Variants in TMEM165 observed in about 807,000 individuals in gnomAD.
The protein encoded by TMEM165 is transmembrane protein 165.
In TMEM165, 19 loss-of-function variants were observed where a neutral mutation model predicts 30.0. The ratio of observed to expected loss-of-function variants is 0.63; its 90% CI spans 0.44 to 0.93. The LOEUF is 0.93. TMEM165 is among the 40% of genes least tolerant of loss of function. The probability of loss-of-function intolerance (pLI) is 0.00; values close to 1 mark genes in which losing one functional copy is unlikely to be tolerated. For synonymous variants in TMEM165, 168 were observed against 162.9 expected (o/e 1.03, Z -0.24); for missense variants, 340 against 417.0 (o/e 0.82, Z 1.61).
chr4:55,431,027 G>A (rs1302254932), downstream of TMEM165: 1 of 152,170 alleles, frequency 6.6e-6, no homozygotes, highest in African/African-American at 2.4e-5. Flanking sequence ...TTTCACCTAA[G>A]TAAGTGATGA....
intron 3 of TMEM165, chr4:55,444,832 T>A (rs1057169379): frequency 6.4e-7 from 1 of 1,571,428 alleles, no homozygotes; most frequent in Middle Eastern, 1.7e-4. Flanking sequence ...TAGAATTACT[T>A]ACTCCTTATA....
chr4:55,447,310 G>A (rs1387436173), intron 3 of TMEM165, among the ~76,000 whole-genome samples: 1 of 152,134 alleles, frequency 6.6e-6, no homozygotes, highest in Non-Finnish European at 1.5e-5. Context: ...GTTGCAGTAA[G>A]CCGAGATTGC....
At chr4:55,453,028 AT>A (rs750707897) in exon 4 of TMEM165, 55 of 1,503,270 alleles carry the variant, frequency 3.7e-5, no homozygotes, top group Middle Eastern at 3.5e-4. Flanking sequence ...ATTAAAAATA[AT>A]TTTTTTTAAT....
intron 4 of TMEM165, among the ~76,000 whole-genome samples, chr4:55,421,060 T>TA (rs1721953953): frequency 6.7e-6 from 1 of 149,456 alleles, no homozygotes; most frequent in African/African-American, 2.5e-5. Flanking sequence ...CCCACGCCTG[T>TA]AGTCCCAGCT....
At chr4:55,418,137 G>A in intron 4 of TMEM165, 152 bp downstream of exon 4, 1 of 668,266 alleles carries the variant, frequency 1.5e-6, no homozygotes, top group Non-Finnish European at 2.2e-6. Flanking sequence ...TCTAAAATTG[G>A]CCTTCTCCCA....
At chr4:55,424,702 T>C (rs1488372324) in intron 5 of TMEM165, 59 bp downstream of exon 5, 2 of 1,126,118 alleles carry the variant, frequency 1.8e-6, no homozygotes, top group Non-Finnish European at 2.7e-6. Flanking sequence ...GATTAAAGGG[T>C]GTTAGCTTTG....
chr4:55,431,533 T>G (rs963499408), intron 3 of TMEM165: 1 of 152,122 alleles, frequency 6.6e-6, no homozygotes, highest in Admixed American at 6.5e-5. Context: ...ATTCAAAAAT[T>G]CCAATCAGCT....
At chr4:55,419,460 A>G (rs1310540809) in intron 4 of TMEM165, among the ~76,000 whole-genome samples, 1 of 152,214 alleles carries the variant, frequency 6.6e-6, no homozygotes, top group African/African-American at 2.4e-5. Flanking sequence ...TGAGGGAGTA[A>G]GCTGGCTGGC....
At chr4:55,406,231 A>T (rs892012759) in intron 1 of TMEM165, among the ~76,000 whole-genome samples, 1 of 152,204 alleles carries the variant, frequency 6.6e-6, no homozygotes, top group Admixed American at 6.5e-5. Context: ...CAAGAAATTG[A>T]TCCTCCATAG....
intron 1 of TMEM165, chr4:55,403,196 T>C (rs1721105836): frequency 8.5e-7 from 1 of 1,176,024 alleles, no homozygotes; most frequent in Non-Finnish European, 1.1e-6. Flanking sequence ...ACCTCTTGTT[T>C]GATAACTTAT....
intron 3 of TMEM165, chr4:55,444,534 G>A (rs764025222): frequency 5.8e-5 from 80 of 1,378,772 alleles, no homozygotes; most frequent in Non-Finnish European, 6.0e-5. Context: ...TTGATAAAAC[G>A]TATCTCTTGC....
At chr4:55,452,469 A>T (rs1724553030) in exon 4 of TMEM165, 1 of 152,666 alleles carries the variant, frequency 6.6e-6, no homozygotes, top group South Asian at 2.1e-4. Flanking sequence ...GCCTCATGAA[A>T]GAATCTGAAG....
At chr4:55,407,482 G>A (rs968754156) in intron 1 of TMEM165, among the ~76,000 whole-genome samples, 13 of 152,196 alleles carry the variant, frequency 8.5e-5, no homozygotes, top group Admixed American at 4.6e-4. Flanking sequence ...TTAAATAGTA[G>A]CATTTTGGAT....
Position 55,424,562 on chromosome 4 carries a change from G to A in TMEM165, c.817G>A (p.Gly273Arg), listed in dbSNP as rs1378836124. 1.2e-6 allele frequency: 2 copies of A among 1,613,494 alleles called. No individual in the cohort carries two copies. Among genetic ancestry groups the A allele is most frequent in the Non-Finnish European group, 1.7e-6 (2 of 1,179,410 alleles). Residue 273 changes from glycine (G) to arginine (R), a missense_variant, in exon 5 of 6, where the codon GGA becomes AGA. This residue lies in a region of TMEM165 where 220 missense variants were observed against 307.6 expected (regional missense o/e 0.72). Transcript: ENST00000381334. ...REDPYGVAVG[G>R]TVGHCLCTGL... is the part of the protein sequence containing the mutation. ...GGACCCCTATGGTGTAGCCGTGGGT[G>A]GAACTGTGGGGCACTGCCTGTGCAC...
Position 55,425,406 on chromosome 4 carries a change from C to T in TMEM165, c.929C>T (p.Ala310Val), listed in dbSNP as rs75361734. 1.5e-5 allele frequency: 25 copies of T among 1,613,240 alleles called. No individual in the cohort carries two copies. Among genetic ancestry groups the T allele is most frequent in the African/African-American group, 1.5e-4 (11 of 74,806 alleles). ...VTIIGGIVFL[A>V]FAFSALFISP... ...ATCATAGGAGGCATCGTTTTTTTGGCGTTTGCATTTTCTGCACTATTTATA... is the reference window on the plus strand; with the variant it reads ...ATCATAGGAGGCATCGTTTTTTTGGTGTTTGCATTTTCTGCACTATTTATA... The change falls in exon 6 of 6, where the codon GCG (alanine) becomes GTG (valine). Residue 310 changes from alanine to valine, a missense_variant. Ala to Val is a moderately conservative substitution (Grantham distance 64). This residue lies in a region of TMEM165 where 220 missense variants were observed against 307.6 expected (regional missense o/e 0.72). Coordinates refer to ENST00000381334, the MANE Select transcript of TMEM165 (RefSeq NM_018475.5).
At chr4:55,442,727 A>G (rs1723474894) in intron 3 of TMEM165, 11 of 1,114,740 alleles carry the variant, frequency 9.9e-6, no homozygotes, top group Middle Eastern at 4.9e-4. Flanking sequence ...ATATGACAAT[A>G]TGACAGAGAA....
intron 3 of TMEM165, chr4:55,438,250 G>A: frequency 1.9e-6 from 3 of 1,613,198 alleles, no homozygotes; most frequent in Non-Finnish European, 2.5e-6. Flanking sequence ...AAGTAAATGA[G>A]TTTGAAGCAG....
At chr4:55,436,855 A>G (rs1016841446) in intron 3 of TMEM165, among the ~76,000 whole-genome samples, 7 of 139,240 alleles carry the variant, frequency 5.0e-5, no homozygotes, top group Admixed American at 1.4e-4. Context: ...GGTATTGCCT[A>G]TCTTATTTCT....
In TMEM165 at chr4:55,433,141, G is replaced by A. The variant is rs544813759; in HGVS notation, c.408+8498G>A. On this transcript the variant is annotated intron_variant, in intron 3 of 3. Transcript: ENST00000608091. ...GGTCAAGAAAGGCAATTTGAAAGGG[G>A]AGAAGAACAATGCTATTGCCATATT... The A allele has an allele frequency of 8.8e-4, 134 of 152,774 alleles. 1 individual carries two copies. The highest frequency in any genetic ancestry group is 1.7e-3 in the East Asian group (9 of 5,186). 9.5% of individuals were successfully genotyped at this position (152,774 alleles called of 1,614,324 possible).
Sources: allele counts gnomAD v4.1 joint callset (sites outside exome capture counted in the v4.1 genomes callset), GRCh38; gene constraint gnomAD v4.1.1; regional missense constraint gnomAD v4.1.1; transcripts MANE v1.5; gene names NCBI Gene and HGNC (gene_info 2026-07-23, HGNC 2026-07-21).